Variants in PTH2R observed in about 807,000 individuals in gnomAD.
PTH2R encodes parathyroid hormone 2 receptor, also known as PTH2 receptor.
Under a neutral mutation model 60.3 loss-of-function variants are expected in PTH2R, and 59 were observed. That is an observed-to-expected ratio of 0.98 (90% CI 0.79 to 1.22). The LOEUF is 1.22. Among genes scored for constraint, PTH2R ranks in the 50% most tolerant of loss-of-function variants. The pLI is 0.00. For synonymous variants in PTH2R, 256 were observed against 243.8 expected, an observed-to-expected ratio of 1.05 and a Z score of -0.47; for missense variants, 749 against 682.6, an observed-to-expected ratio of 1.10 and a Z score of -1.08.
chr2:208,457,092 A>C (rs1485501738), intron 8 of PTH2R, among the ~76,000 whole-genome samples: 1 of 152,224 alleles, frequency 6.6e-6, no homozygotes, highest in Admixed American at 6.5e-5. Context: ...ATATTACCAA[A>C]TGTCAAAAAC....
intron 1 of PTH2R, among the ~76,000 whole-genome samples, chr2:208,377,008 A>G (rs1440631995): frequency 6.6e-6 from 1 of 152,044 alleles, no homozygotes; most frequent in Non-Finnish European, 1.5e-5. Flanking sequence ...TCCTAGGCAG[A>G]GGACCCTGCG....
intron 1 of PTH2R, among the ~76,000 whole-genome samples, chr2:208,401,536 T>C (rs915751923): frequency 1.3e-5 from 2 of 152,060 alleles, no homozygotes; most frequent in African/African-American, 4.8e-5. Context: ...TCTCTCCTTC[T>C]TATTCCTTCC....
At chr2:208,452,186 C>A (rs1351130472) in intron 8 of PTH2R, among the ~76,000 whole-genome samples, 2 of 152,138 alleles carry the variant, frequency 1.3e-5, no homozygotes, top group Non-Finnish European at 2.9e-5. Context: ...GGTTCTGGAA[C>A]AGCAGATGTA....
intron 9 of PTH2R, among the ~76,000 whole-genome samples, chr2:208,468,320 A>G (rs1702799964): frequency 6.6e-6 from 1 of 152,238 alleles, no homozygotes; most frequent in Non-Finnish European, 1.5e-5. Context: ...CAGTGTTTTA[A>G]GTGTTTTATG....
At chr2:208,448,307 A>G (rs1702331172) in intron 7 of PTH2R, among the ~76,000 whole-genome samples, 1 of 152,166 alleles carries the variant, frequency 6.6e-6, no homozygotes, top group South Asian at 2.1e-4. Context: ...TATCATATTC[A>G]ACATTTTTAA....
At chr2:208,469,239 G>C (rs1702826288) in intron 9 of PTH2R, among the ~76,000 whole-genome samples, 1 of 152,198 alleles carries the variant, frequency 6.6e-6, no homozygotes, top group Non-Finnish European at 1.5e-5. Flanking sequence ...AGGATATAAA[G>C]TTGTTTTTTA....
At chr2:208,394,054 G>A (rs1189114341) in intron 1 of PTH2R, among the ~76,000 whole-genome samples, 2 of 152,192 alleles carry the variant, frequency 1.3e-5, no homozygotes, top group Non-Finnish European at 2.9e-5. Flanking sequence ...TGGGTTGATT[G>A]TACAGAACTT....
chr2:208,479,115 T>G (rs1480187999), intron 9 of PTH2R, among the ~76,000 whole-genome samples: 2 of 152,228 alleles, frequency 1.3e-5, no homozygotes, highest in Admixed American at 1.3e-4. Flanking sequence ...GGTCTTAATA[T>G]TTTAAAATTC....
rs557248186 is a variant in PTH2R, at chr2:208,483,937, T to C, written c.1076+2773T>C. On this transcript the variant is annotated intron_variant, in intron 10 of 12. Transcript: ENST00000272847. ...TAGATTTCCAAGTTTAAATAGCATC[T>C]CACTTTTTAAATAGGCTTAGGAAAA... Among the ~76,000 whole-genome samples, 13 of 152,304 alleles carry C rather than the reference T, an allele frequency of 8.5e-5. No homozygotes were observed. In the East Asian group the frequency reaches 9.6e-4, roughly 11 times the overall value.
chr2:208,400,082 C>T (rs1027971459), intron 1 of PTH2R, among the ~76,000 whole-genome samples: 7 of 152,134 alleles, frequency 4.6e-5, no homozygotes, highest in African/African-American at 7.2e-5. Context: ...AAATTAAACT[C>T]TTCTTAAAAC....
intron 1 of PTH2R, among the ~76,000 whole-genome samples, chr2:208,367,761 A>G (rs770648181): frequency 6.6e-6 from 1 of 152,182 alleles, no homozygotes; most frequent in Non-Finnish European, 1.5e-5. Flanking sequence ...TCAAAGTCAA[A>G]TTAGACTCTA....
intron 1 of PTH2R, among the ~76,000 whole-genome samples, chr2:208,361,565 ATTTTGC>A (rs1700474152): frequency 6.6e-6 from 1 of 152,024 alleles, no homozygotes; most frequent in Non-Finnish European, 1.5e-5. Context: ...CAACTTTTTC[ATTTTGC>A]AAAACTAAAT....
At chr2:208,378,312 C>A (rs6435461) in intron 1 of PTH2R, among the ~76,000 whole-genome samples, 148,509 of 150,832 alleles carry the variant, frequency 0.98, 73,168 homozygotes, top group East Asian at 1. Flanking sequence ...CAGTGAGCCG[C>A]GATGGCAGCA....
At position 208,441,981 on chromosome 2, in the gene PTH2R, C is replaced by T. The variant is rs540772742; in HGVS notation, c.412-383C>T. On this transcript the variant is annotated intron_variant, in intron 4 of 12. Coordinates refer to ENST00000272847, the MANE Select transcript of PTH2R (RefSeq NM_005048.4). Reference sequence around the variant, plus strand: ...AGGAATGAACTATTTATACATGTAACGATATCGATGAATATAAAAAACAGT... The same window carrying T: ...AGGAATGAACTATTTATACATGTAATGATATCGATGAATATAAAAAACAGT... Among the ~76,000 whole-genome samples, 79 of 152,036 alleles carry T rather than the reference C, an allele frequency of 5.2e-4. 2 individuals carry two copies. The South Asian group carries it at 0.015, about 29-fold the overall frequency.
Position 208,383,301 on chromosome 2 carries a change from C to T in PTH2R, c.-259+23064C>T, listed in dbSNP as rs1240455825. On this transcript the variant is annotated intron_variant, in intron 1 of 12. Transcript: ENST00000617735. ...CTGTGGGCAGAAGTTTGTTAAGGGG[C>T]CTGGATGTGAAATAACAGTGTATCT... Among the ~76,000 whole-genome samples the T allele has an allele frequency of 7.9e-5, 12 of 152,110 alleles. No individual in the cohort carries two copies. In the East Asian group the frequency reaches 2.1e-3, roughly 27 times the overall value.
At chr2:208,428,741 C>A (rs1261262987) in intron 2 of PTH2R, among the ~76,000 whole-genome samples, 1 of 152,150 alleles carries the variant, frequency 6.6e-6, no homozygotes, top group East Asian at 1.9e-4. Flanking sequence ...ATTGATTTCT[C>A]AATTGTTTAT....
intron 1 of PTH2R, among the ~76,000 whole-genome samples, chr2:208,391,118 A>C (rs1190932331): frequency 2.0e-5 from 3 of 152,158 alleles, no homozygotes; most frequent in Non-Finnish European, 4.4e-5. Context: ...CTTCACCTGT[A>C]CCAAATCTCC....
At chr2:208,450,124 C>G (rs570167844) in intron 7 of PTH2R, among the ~76,000 whole-genome samples, 2 of 152,176 alleles carry the variant, frequency 1.3e-5, no homozygotes, top group Non-Finnish European at 2.9e-5. Context: ...TGTTACAAGC[C>G]CAGAAGGTGT....
At chr2:208,440,406 A>G (rs1233407085) in intron 4 of PTH2R, among the ~76,000 whole-genome samples, 1 of 152,190 alleles carries the variant, frequency 6.6e-6, no homozygotes, top group East Asian at 1.9e-4. Context: ...GAAAAGTTTT[A>G]CTATTTTATT....
Sources: gnomAD v4.1 joint callset for allele counts (sites outside exome capture counted in the v4.1 genomes callset) on GRCh38, gnomAD v4.1.1 for gene constraint, MANE v1.5 for transcripts, NCBI Gene and HGNC (gene_info 2026-07-23, HGNC 2026-07-21) for gene names.